CRIP2: variants seen among roughly 807,000 people sequenced by gnomAD.
CRIP2 encodes cysteine rich protein 2, also known as cysteine-rich protein 2.
A neutral mutation model predicts 31.3 loss-of-function variants in CRIP2; 31 were observed. The observed-to-expected ratio is 0.99, with a 90% CI of 0.74 to 1.34. CRIP2 has a LOEUF of 1.34. CRIP2 is among the 40% of genes most tolerant of loss of function. CRIP2 has a pLI of 0.00. For missense variants in CRIP2, 389 were observed against 301.6 expected, an observed-to-expected ratio of 1.29 and a Z score of -2.15; for synonymous variants, 177 against 127.2, an observed-to-expected ratio of 1.39 and a Z score of -2.63.
In CRIP2 at chr14:105,479,825, T is replaced by C. The variant is rs1042632665; in HGVS notation, c.*172T>C. On this transcript the variant is annotated 3_prime_UTR_variant, in exon 8 of 8. Transcript: ENST00000329146. ...AGCACCATGCCCATCCCCGAGTCTC[T>C]GGTGTGTCTGCCCCCTCTGGCATCC... The C allele has an allele frequency of 2.1e-5, 14 of 681,070 alleles. No homozygotes were observed. The highest frequency in any genetic ancestry group is 2.8e-5 in the Non-Finnish European group (11 of 397,656). The allele number at this position is 681,070 out of a possible 1,614,324, so 42.2% of individuals were successfully genotyped here. A position where few individuals can be genotyped will look rare whatever the true frequency, so the allele number is the denominator to read the frequency against.
At chr14:105,473,075 G>A, upstream of CRIP2, 2 of 703,120 alleles carry the variant, frequency 2.8e-6, no homozygotes, top group African/African-American at 1.8e-5. Flanking sequence ...CAAAGTCAGG[G>A]AGGGTAATGG....
chr14:105,474,627 G>A (rs1188036357), upstream of CRIP2: 32 of 255,492 alleles, frequency 1.3e-4, no homozygotes, highest in Non-Finnish European at 1.9e-4. The surrounding 1 kb of genome is among the most constrained non-coding windows in gnomAD (Gnocchi z 5.1). Context: ...CCGGCGCGAG[G>A]GGCCCGGGGG....
At position 105,480,095 on chromosome 14, in the gene CRIP2, C is replaced by T. The variant is rs2141763760; in HGVS notation, c.*442C>T. The T allele has an allele frequency of 4.9e-6, 1 of 203,172 alleles. No homozygotes were observed. Among genetic ancestry groups the T allele is most frequent in the East Asian group, 1.4e-4 (1 of 7,326 alleles). 12.6% of individuals were successfully genotyped at this position (203,172 alleles called of 1,614,324 possible). The stretch of plus-strand genomic sequence containing the variant: ...TGGTGCCCACACTGCCTCGCAAGCG[C>T]TCGCCACCCTCACGTGGCTCACCTG... On this transcript the variant is annotated 3_prime_UTR_variant, in exon 8 of 8. Transcript: ENST00000329146.
Position 105,478,690 on chromosome 14 carries a change from C to A in CRIP2, c.197-41C>A. 1 of 1,446,216 alleles carries A rather than the reference C, an allele frequency of 6.9e-7. No homozygotes were observed. 89.6% of individuals were successfully genotyped at this position (1,446,216 alleles called of 1,614,324 possible). Reference sequence around the variant, plus strand: ...TCTGAGATGCCCGGTGGCCGCGGCCCCCACCCCACGTACCCCCGCCCCACG... The same window carrying A: ...TCTGAGATGCCCGGTGGCCGCGGCCACCACCCCACGTACCCCCGCCCCACG... On this transcript the variant is annotated intron_variant, in intron 3 of 7. Transcript: ENST00000329146. The surrounding 1 kb of genome is among the most constrained non-coding windows in gnomAD (Gnocchi z 4.9).
At chr14:105,473,027 C>T (rs2083868694), upstream of CRIP2, 1 of 606,078 alleles carries the variant, frequency 1.6e-6, no homozygotes, top group African/African-American at 1.8e-5. Context: ...GCCCTGTCCT[C>T]CAGAGCAAGC....
Position 105,479,047 on chromosome 14 carries a change from G to T in CRIP2, c.406G>T (p.Ala136Ser). The change falls in exon 5 of 8, where the codon GCT becomes TCT. Residue 136 changes from alanine to serine, a missense_variant and splice_region_variant. Transcript: ENST00000329146. ...CPRCSKKVYF[A>S]EKVTSLGKDW... is the part of the protein sequence containing the mutation. ...GCGCTGCAGCAAGAAGGTGTACTTC[G>T]GTGAGTGCGCGCCCGGGCCCCGGAC... is the stretch of plus-strand genomic sequence containing the variant. 1 of 1,575,044 alleles carries T rather than the reference G, an allele frequency of 6.3e-7. No homozygotes were observed. Among genetic ancestry groups the T allele is most frequent in the Non-Finnish European group, 8.6e-7 (1 of 1,162,274 alleles).
intron 1 of CRIP2, chr14:105,477,040 G>C (rs1194383516): frequency 5.7e-6 from 1 of 176,970 alleles, no homozygotes; most frequent in East Asian, 1.9e-4. Context: ...AAGGGAGCTG[G>C]GAGAGCCACT....
chr14:105,479,349 G>A (rs1173720168), intron 6 of CRIP2, 87 bp from the exon 7 acceptor site: 5 of 1,580,408 alleles, frequency 3.2e-6, no homozygotes, highest in Non-Finnish European at 3.5e-6. Flanking sequence ...CCCCCACGGC[G>A]AGCCGGCCTG....
chr14:105,476,745 G>A (rs1236472328), intron 1 of CRIP2: 1 of 985,564 alleles, frequency 1.0e-6, no homozygotes, highest in Non-Finnish European at 1.2e-6. Flanking sequence ...CTGCCCTGGT[G>A]TGTCCCAGCT....
In CRIP2 at chr14:105,478,414, C is replaced by T. The variant is rs1555436383; in HGVS notation, c.139-36C>T. On this transcript the variant is annotated intron_variant, in intron 2 of 7. Transcript: ENST00000329146. This position sits in a 1 kb window ranked among gnomAD's most constrained non-coding sequence, Gnocchi z 4.9. ...GGCGGGGGTCGCGACTCCCGCCACC[C>T]TCAGGCAGGGTCCTGACCCGCGCCC... The T allele has an allele frequency of 3.8e-6, 6 of 1,591,128 alleles. No homozygotes were observed. The South Asian group carries it at 6.7e-5, about 18-fold the overall frequency.
chr14:105,474,901 C>T lies in CRIP2; in HGVS notation c.39C>T (p.Tyr13=), dbSNP rs781811749. The change falls in exon 1 of 8, where the codon TAC becomes TAT. Residue 13 remains tyrosine (Y), a synonymous_variant. Coordinates refer to ENST00000329146, the MANE Select transcript of CRIP2 (RefSeq NM_001312.4). This position sits in a 1 kb window ranked among gnomAD's most constrained non-coding sequence, Gnocchi z 5.1. ...SKCPKCDKTV[Y]FAEKVSSLGK... is the part of the protein sequence containing the mutation. ...GCCCCAAGTGCGACAAGACCGTGTACTTCGGTGAGTGCGTGCCCGCTCCCG... is the reference window on the plus strand; with the variant it reads ...GCCCCAAGTGCGACAAGACCGTGTATTTCGGTGAGTGCGTGCCCGCTCCCG... 7.2e-5 allele frequency: 109 copies of T among 1,521,132 alleles called. No individual in the cohort carries two copies. Among genetic ancestry groups the T allele is most frequent in the Admixed American group, 1.0e-4 (5 of 49,152 alleles). 94.2% of individuals were successfully genotyped at this position (1,521,132 alleles called of 1,614,324 possible).
rs1263964483 is a variant in CRIP2 at position 105,478,899 on chromosome 14, G to T, written c.337+28G>T. 3.4e-6 allele frequency: 5 copies of T among 1,477,534 alleles called. No homozygotes were observed. In the African/African-American group the frequency reaches 7.2e-5, roughly 21 times the overall value. The allele number at this position is 1,477,534 out of a possible 1,614,324, so 91.5% of individuals were successfully genotyped here. A position where few individuals can be genotyped will look rare whatever the true frequency, so the allele number is the denominator to read the frequency against. On this transcript the variant is annotated intron_variant, in intron 4 of 7. Transcript: ENST00000329146. This position sits in a 1 kb window ranked among gnomAD's most constrained non-coding sequence, Gnocchi z 4.9. ...GGGCTGGGCGCGGGCTGGGGCTGGG[G>T]GTTGTGGGCACGCGCGGGCTGGGGC...
intron 1 of CRIP2, chr14:105,476,057 G>A (rs2083926365): frequency 6.1e-6 from 6 of 985,610 alleles, no homozygotes; most frequent in Non-Finnish European, 7.2e-6. Flanking sequence ...GGCGTGGCTG[G>A]GAGCCGAGGG....
intron 1 of CRIP2, chr14:105,477,261 G>A: frequency 2.0e-6 from 2 of 985,264 alleles, no homozygotes; most frequent in South Asian, 4.7e-5. Flanking sequence ...AGTAGCCCCA[G>A]TGTGGGGGTG....
intron 6 of CRIP2, 106 bp from the exon 7 acceptor site, chr14:105,479,330 C>T: frequency 6.5e-7 from 1 of 1,549,694 alleles, no homozygotes; most frequent in South Asian, 1.2e-5. Flanking sequence ...GGGAGCTGCG[C>T]TGCCCTCTCC....
In CRIP2 at chr14:105,478,699, C is replaced by T. The variant is rs1463233267; in HGVS notation, c.197-32C>T. 3 of 1,440,754 alleles carry T rather than the reference C, an allele frequency of 2.1e-6. No individual in the cohort carries two copies. Among genetic ancestry groups the T allele is most frequent in the African/African-American group, 1.4e-5 (1 of 69,700 alleles). 89.2% of individuals were successfully genotyped at this position (1,440,754 alleles called of 1,614,324 possible). A position where few individuals can be genotyped will look rare whatever the true frequency, so the allele number is the denominator to read the frequency against. ...CCCGGTGGCCGCGGCCCCCACCCCA[C>T]GTACCCCCGCCCCACGTACCCCCAC... On this transcript the variant is annotated intron_variant, in intron 3 of 7. Transcript: ENST00000329146. This position sits in a 1 kb window ranked among gnomAD's most constrained non-coding sequence, Gnocchi z 4.9.
chr14:105,476,134 T>C, intron 1 of CRIP2: 1 of 985,424 alleles, frequency 1.0e-6, no homozygotes, highest in Non-Finnish European at 1.2e-6. Context: ...GCTGTCTCTG[T>C]AAGGCTTAGG....
At chr14:105,479,242 T>C (rs1420239940) in intron 6 of CRIP2, 23 bp downstream of exon 6, 2 of 1,522,634 alleles carry the variant, frequency 1.3e-6, no homozygotes, top group African/African-American at 2.8e-5. Flanking sequence ...CAACGGGGCT[T>C]GGGGGCCGGG....
upstream of CRIP2, chr14:105,473,323 C>T (rs1448723526): frequency 1.1e-3 from 82 of 73,840 alleles, no homozygotes; most frequent in African/African-American, 4.6e-3. Context: ...GCTGGTCAGT[C>T]GGGCGGGGGG....
Sources: gnomAD v4.1 joint callset for allele counts on GRCh38, gnomAD v4.1.1 for gene constraint, Gnocchi (gnomAD v3.1) non-coding constraint, MANE v1.5 for transcripts, NCBI Gene and HGNC (gene_info 2026-07-23, HGNC 2026-07-21) for gene names.